SLC4A10: variants seen among roughly 807,000 people sequenced by gnomAD.
The protein encoded by SLC4A10 is sodium-driven chloride bicarbonate exchanger.
Under a neutral mutation model 137.7 loss-of-function variants are expected in SLC4A10, and 42 were observed. The observed-to-expected ratio is 0.30, with a 90% CI of 0.24 to 0.39. SLC4A10 has a LOEUF of 0.39. SLC4A10 is among the 10% of genes least tolerant of loss of function. SLC4A10 has a pLI of 1.00. For synonymous variants in SLC4A10, 474 were observed against 464.1 expected (o/e 1.02, Z -0.27); for missense variants, 925 against 1,355.0 (o/e 0.68, Z 4.98).
At chr2:161,687,289 C>T (rs2041532926) in intron 1 of SLC4A10, among the ~76,000 whole-genome samples, 1 of 152,150 alleles carries the variant, frequency 6.6e-6, no homozygotes, top group African/African-American at 2.4e-5. Flanking sequence ...ATTGGAGGGA[C>T]ATATATTAAA....
In SLC4A10 at chr2:161,633,949, A is replaced by G. The variant is rs151155557; in HGVS notation, c.48+9383A>G. ...CATGGAATACTTGCAAAAATAGTACAGAATTCCCATATCCTTTTCATCCAC... is the reference window on the plus strand; with the variant it reads ...CATGGAATACTTGCAAAAATAGTACGGAATTCCCATATCCTTTTCATCCAC... On this transcript the variant is annotated intron_variant, in intron 1 of 26. Coordinates refer to ENST00000446997, the MANE Select transcript of SLC4A10 (RefSeq NM_001178015.2). Among the ~76,000 whole-genome samples, 1,016 of 151,954 alleles carry G rather than the reference A, an allele frequency of 6.7e-3. 7 individuals carry two copies. Among genetic ancestry groups the G allele is most frequent in the African/African-American group, 0.023 (962 of 41,540 alleles).
chr2:161,906,684 A>G (rs950316446), intron 15 of SLC4A10, among the ~76,000 whole-genome samples: 1 of 152,210 alleles, frequency 6.6e-6, no homozygotes, highest in Admixed American at 6.5e-5. Context: ...ATTTCCCTAT[A>G]AACTGCTTAG....
Position 161,979,943 on chromosome 2 carries a change from G to A in SLC4A10, c.*26+2183G>A, listed in dbSNP as rs1180237227. ...TTTGTTGTCAAAAATATTTTATCTC[G>A]TTTAACTGACAGTAGAATCTAAGAA... On this transcript the variant is annotated intron_variant, in intron 26 of 26. Coordinates refer to ENST00000446997, the MANE Select transcript of SLC4A10 (RefSeq NM_001178015.2). Among the ~76,000 whole-genome samples the A allele has an allele frequency of 3.9e-5, 6 of 152,016 alleles. No individual in the cohort carries two copies. In the South Asian group the frequency reaches 6.2e-4, roughly 16 times the overall value.
intron 4 of SLC4A10, among the ~76,000 whole-genome samples, chr2:161,847,610 C>T (rs945424304): frequency 2.0e-5 from 3 of 152,146 alleles, no homozygotes; most frequent in African/African-American, 7.2e-5. Context: ...TTAGCTCCCA[C>T]TTGTAAGAAC....
At chr2:161,835,505 C>G (rs189255160) in intron 3 of SLC4A10, among the ~76,000 whole-genome samples, 4 of 152,282 alleles carry the variant, frequency 2.6e-5, no homozygotes, top group Non-Finnish European at 5.9e-5. Context: ...AAAATCTACA[C>G]TTGGCTATGA....
intron 2 of SLC4A10, among the ~76,000 whole-genome samples, chr2:161,797,328 C>A (rs1337811707): frequency 6.6e-6 from 1 of 152,058 alleles, no homozygotes; most frequent in African/African-American, 2.4e-5. Context: ...AAGAGCAACT[C>A]AAGTCCTACA....
intron 1 of SLC4A10, among the ~76,000 whole-genome samples, chr2:161,699,956 A>G (rs1045461375): frequency 2.6e-5 from 4 of 152,220 alleles, no homozygotes; most frequent in African/African-American, 7.2e-5. Context: ...GTTATTATCT[A>G]CACTATATTG....
chr2:161,980,124 G>GT (rs1266343065), intron 26 of SLC4A10, among the ~76,000 whole-genome samples: 2 of 152,134 alleles, frequency 1.3e-5, no homozygotes, highest in South Asian at 4.1e-4. Flanking sequence ...CAACTGCTAC[G>GT]TTTTTTAAAC....
intron 16 of SLC4A10, among the ~76,000 whole-genome samples, chr2:161,947,048 A>G (rs1285307409): frequency 6.6e-6 from 1 of 152,128 alleles, no homozygotes; most frequent in African/African-American, 2.4e-5. Flanking sequence ...TTTGTATCAC[A>G]GCTCTGCGGC....
At chr2:161,877,994 TC>T (rs1444752615) in intron 8 of SLC4A10, among the ~76,000 whole-genome samples, 1 of 152,142 alleles carries the variant, frequency 6.6e-6, no homozygotes, top group Non-Finnish European at 1.5e-5. Flanking sequence ...TGTACTATCA[TC>T]TTGATTTCAG....
intron 15 of SLC4A10, among the ~76,000 whole-genome samples, chr2:161,942,088 A>G (rs1692814944): frequency 6.6e-6 from 1 of 152,216 alleles, no homozygotes; most frequent in African/African-American, 2.4e-5. Context: ...GATATTTTCT[A>G]TAGTAATAAC....
intron 1 of SLC4A10, among the ~76,000 whole-genome samples, chr2:161,766,324 T>C (rs967649045): frequency 2.6e-5 from 4 of 152,270 alleles, no homozygotes; most frequent in Admixed American, 6.5e-5. Context: ...TGTGTTTTGG[T>C]TGAGGATAGC....
At chr2:161,644,068 C>CTTTTTTTTTTTTTTT in intron 1 of SLC4A10, among the ~76,000 whole-genome samples, 1 of 143,732 alleles carries the variant, frequency 7.0e-6, no homozygotes, top group Non-Finnish European at 1.5e-5. Context: ...GGCTTCTAAT[C>CTTTTTTTTTTTTTTT]TTTTTTTTTT....
At chr2:161,798,618 C>T (rs2055038176) in intron 2 of SLC4A10, among the ~76,000 whole-genome samples, 1 of 151,546 alleles carries the variant, frequency 6.6e-6, no homozygotes, top group Non-Finnish European at 1.5e-5. Flanking sequence ...GATTTGTTAG[C>T]AAGATTTGTG....
chr2:161,890,600 T>G (rs2062812596), intron 10 of SLC4A10, among the ~76,000 whole-genome samples: 1 of 152,186 alleles, frequency 6.6e-6, no homozygotes, highest in African/African-American at 2.4e-5. Context: ...TATTGGAGAC[T>G]AGGATTGCAA....
intron 2 of SLC4A10, among the ~76,000 whole-genome samples, chr2:161,774,680 A>T (rs1317094587): frequency 6.6e-6 from 1 of 152,020 alleles, no homozygotes; most frequent in East Asian, 1.9e-4. Context: ...CCTTGCCTCA[A>T]TATGAGACAA....
chr2:161,821,692 T>A (rs1470719910), intron 3 of SLC4A10, among the ~76,000 whole-genome samples: 2 of 152,192 alleles, frequency 1.3e-5, no homozygotes, highest in African/African-American at 2.4e-5. Context: ...ACATGAAATA[T>A]GTAATACTAT....
intron 1 of SLC4A10, among the ~76,000 whole-genome samples, chr2:161,755,437 GTT>G (rs1336466136): frequency 6.6e-6 from 1 of 152,122 alleles, no homozygotes; most frequent in African/African-American, 2.4e-5. Context: ...GGGAAGTTGA[GTT>G]TTCTCATCTT....
rs532895890 is a variant in SLC4A10, at chr2:161,881,692, T to C, written c.1107-665T>C. On this transcript the variant is annotated intron_variant, in intron 9 of 26. Coordinates refer to ENST00000446997, the MANE Select transcript of SLC4A10 (RefSeq NM_001178015.2). ...AGGGCAATTACCAGTCTGCTAAAGT[T>C]AGAGTATCTATTGATTTCTTTAAAA... 1.2e-4 allele frequency among the ~76,000 whole-genome samples: 18 copies of C among 152,168 alleles called. No individual in the cohort carries two copies. The East Asian group carries it at 1.3e-3, about 11-fold the overall frequency.
Sources: allele counts gnomAD v4.1 joint callset (sites outside exome capture counted in the v4.1 genomes callset), GRCh38; gene constraint gnomAD v4.1.1; transcripts MANE v1.5; gene names NCBI Gene and HGNC (gene_info 2026-07-23, HGNC 2026-07-21).